CDIN1: variants seen among roughly 807,000 people sequenced by gnomAD.
CDIN1 encodes CDAN1-interacting nuclease 1.
Under a neutral mutation model 45.3 loss-of-function variants are expected in CDIN1, and 33 were observed. That is an observed-to-expected ratio of 0.73 (90% CI 0.55 to 0.97). The LOEUF (loss-of-function observed/expected upper bound fraction) is 0.97. Ranked by LOEUF, CDIN1 falls within the 50% of genes least tolerant of loss-of-function variation. The pLI, the probability that CDIN1 is intolerant of heterozygous loss-of-function variation, is 0.00. For synonymous variants in CDIN1, 118 were observed against 124.4 expected, an observed-to-expected ratio of 0.95 and a Z score of 0.34; for missense variants, 303 against 339.4, an observed-to-expected ratio of 0.89 and a Z score of 0.84.
rs1224509528 is a variant in CDIN1, at chr15:36,706,798, A to G, written c.545-2425A>G. The G allele has an allele frequency of 4.6e-5, 7 of 152,174 alleles. No individual in the cohort carries two copies. In the East Asian group the frequency reaches 1.3e-3, roughly 29 times the overall value. 9.4% of individuals were successfully genotyped at this position (152,174 alleles called of 1,614,324 possible). A position where few individuals can be genotyped will look rare whatever the true frequency, so the allele number is the denominator to read the frequency against. On this transcript the variant is annotated intron_variant, in intron 8 of 10. Coordinates refer to ENST00000566621, the MANE Select transcript of CDIN1 (RefSeq NM_001321759.2). ...CAATAAAACCTTGAACTTTGAGCCT[A>G]GTTGGTGCCTTTGTGCCTTGTTGAT...
intron 1 of CDIN1, among the ~76,000 whole-genome samples, chr15:36,625,275 T>C (rs2039372080): frequency 6.6e-6 from 1 of 150,832 alleles, no homozygotes; most frequent in African/African-American, 2.4e-5. Context: ...AGCGAGACCC[T>C]GTCTCAAAAA....
intron 1 of CDIN1, among the ~76,000 whole-genome samples, chr15:36,592,548 C>T (rs2037630382): frequency 6.6e-6 from 1 of 152,206 alleles, no homozygotes; most frequent in South Asian, 2.1e-4. Flanking sequence ...AAGAGACTCA[C>T]ACTACTACCA....
intron 10 of CDIN1, among the ~76,000 whole-genome samples, chr15:36,777,634 T>G (rs1050182592): frequency 6.6e-5 from 10 of 152,176 alleles, no homozygotes; most frequent in Non-Finnish European, 1.3e-4. Flanking sequence ...ATTTTTATTT[T>G]TTGAGACAAG....
At chr15:36,682,338 T>C (rs149153365) in intron 5 of CDIN1, among the ~76,000 whole-genome samples, 41 of 152,248 alleles carry the variant, frequency 2.7e-4, no homozygotes, top group African/African-American at 7.7e-4. Flanking sequence ...CAGAAAGAAT[T>C]CTGTCTTACT....
chr15:36,606,820 G>T (rs2038399609), intron 1 of CDIN1, among the ~76,000 whole-genome samples: 2 of 152,142 alleles, frequency 1.3e-5, no homozygotes, highest in Admixed American at 1.3e-4. Flanking sequence ...TAAGGGCACA[G>T]TCATATTTAG....
At chr15:36,703,804 A>G (rs1483797301) in intron 8 of CDIN1, among the ~76,000 whole-genome samples, 19 of 152,124 alleles carry the variant, frequency 1.2e-4, no homozygotes, top group Non-Finnish European at 5.9e-5. Flanking sequence ...TGGTTCGGCG[A>G]CACATGGAGC....
intron 10 of CDIN1, among the ~76,000 whole-genome samples, chr15:36,772,550 C>T (rs1435624839): frequency 6.6e-6 from 1 of 152,170 alleles, no homozygotes; most frequent in Non-Finnish European, 1.5e-5. Flanking sequence ...ATTTTCTAAC[C>T]ACTTTTGGTT....
At chr15:36,654,235 T>A in intron 4 of CDIN1, 77 bp downstream of exon 4, 1 of 1,217,420 alleles carries the variant, frequency 8.2e-7, no homozygotes, top group Middle Eastern at 2.2e-4. Flanking sequence ...TGCTTACAAT[T>A]ATAACTACCT....
chr15:36,757,965 T>C (rs2053653567), intron 10 of CDIN1, among the ~76,000 whole-genome samples: 1 of 152,118 alleles, frequency 6.6e-6, no homozygotes, highest in African/African-American at 2.4e-5. Context: ...ATAATGGTTC[T>C]TTTTTTATTG....
chr15:36,624,684 G>C (rs1490231847), intron 1 of CDIN1, among the ~76,000 whole-genome samples: 2 of 152,136 alleles, frequency 1.3e-5, no homozygotes, highest in Non-Finnish European at 2.9e-5. Flanking sequence ...ATTCTTAAAA[G>C]TATCAGCTTG....
intron 10 of CDIN1, among the ~76,000 whole-genome samples, chr15:36,727,348 A>AG (rs578184217): frequency 2.0e-5 from 3 of 151,710 alleles, no homozygotes; most frequent in Non-Finnish European, 2.9e-5. Flanking sequence ...TAAAAAAAAA[A>AG]AAAAAAGAAA....
At chr15:36,666,526 T>C (rs915652558) in intron 5 of CDIN1, among the ~76,000 whole-genome samples, 3 of 152,248 alleles carry the variant, frequency 2.0e-5, no homozygotes, top group African/African-American at 7.2e-5. Context: ...ATATTGTGCC[T>C]ATTGTATAGA....
intron 8 of CDIN1, chr15:36,705,426 A>G (rs892510407): frequency 2.0e-5 from 3 of 152,198 alleles, no homozygotes; most frequent in Non-Finnish European, 2.9e-5. Context: ...AAATATTTGC[A>G]TAATTAAGAA....
intron 10 of CDIN1, among the ~76,000 whole-genome samples, chr15:36,726,547 C>T (rs2043632541): frequency 6.6e-6 from 1 of 152,174 alleles, no homozygotes; most frequent in Admixed American, 6.5e-5. Flanking sequence ...AGATGTACTT[C>T]TCATTGTAGA....
rs567236295 is a variant in CDIN1, at chr15:36,629,130, GT to G, written c.102-15144del. Among the ~76,000 whole-genome samples, 359 of 152,276 alleles carry G rather than the reference GT, an allele frequency of 2.4e-3. 3 individuals are homozygous for G. In the Middle Eastern group the frequency reaches 0.031, roughly 13 times the overall value. ...CATTGATTTTGGCCTGCTGATAAGG[GT>G]TTTGGACTTCTGGCCTCCAGAACTG... On this transcript the variant is annotated intron_variant, in intron 1 of 10. Transcript: ENST00000566621.
chr15:36,791,754 G>A (rs2890824), intron 10 of CDIN1, among the ~76,000 whole-genome samples: 121,992 of 151,918 alleles, frequency 0.8, 51,828 homozygotes, highest in East Asian at 0.95. Context: ...AGTGATCATC[G>A]ATGTGTTTTA....
intron 1 of CDIN1, among the ~76,000 whole-genome samples, chr15:36,630,317 C>G (rs1268863296): frequency 6.6e-6 from 1 of 152,122 alleles, no homozygotes; most frequent in Non-Finnish European, 1.5e-5. Context: ...TTTGATAAAA[C>G]TCTACTTAAA....
chr15:36,741,459 T>A, intron 10 of CDIN1, among the ~76,000 whole-genome samples: 1 of 122,084 alleles, frequency 8.2e-6, no homozygotes, highest in East Asian at 2.1e-4. Flanking sequence ...TTTGAAAAGC[T>A]TTTTTTTTTT....
At chr15:36,802,124 A>C (rs2055070113) in intron 10 of CDIN1, among the ~76,000 whole-genome samples, 1 of 152,196 alleles carries the variant, frequency 6.6e-6, no homozygotes, top group South Asian at 2.1e-4. Flanking sequence ...TACAAGGGTA[A>C]GCCATAGAGC....
Sources: allele counts gnomAD v4.1 joint callset (sites outside exome capture counted in the v4.1 genomes callset), GRCh38; gene constraint gnomAD v4.1.1; transcripts MANE v1.5; gene names NCBI Gene and HGNC (gene_info 2026-07-23, HGNC 2026-07-21).